ANKHD1: variants seen among roughly 807,000 people sequenced by gnomAD.
The protein encoded by ANKHD1 is ankyrin repeat and KH domain-containing protein 1.
A neutral mutation model predicts 230.5 loss-of-function variants in ANKHD1; 31 were observed. The observed-to-expected ratio is 0.13, with a 90% CI of 0.10 to 0.18. The LOEUF (loss-of-function observed/expected upper bound fraction) is 0.18. Among genes scored for constraint, ANKHD1 ranks in the 10% least tolerant of loss-of-function variants. ANKHD1 has a pLI of 1.00. For missense variants in ANKHD1, 2,256 were observed against 3,071.3 expected, an observed-to-expected ratio of 0.73 and a Z score of 6.27; for synonymous variants, 1,074 against 1,117.6, an observed-to-expected ratio of 0.96 and a Z score of 0.78.
intron 3 of ANKHD1, among the ~76,000 whole-genome samples, chr5:140,439,685 C>T (rs1773709369): frequency 6.7e-6 from 1 of 149,606 alleles, no homozygotes; most frequent in East Asian, 2.0e-4. Flanking sequence ...CAAAACAAAA[C>T]AAAATACAAA....
At chr5:140,442,033 CT>C (rs901282726) in intron 5 of ANKHD1, among the ~76,000 whole-genome samples, 374 of 86,902 alleles carry the variant, frequency 4.3e-3, no homozygotes, top group African/African-American at 0.012. Flanking sequence ...ATAAGATATT[CT>C]TTTTTTTTTT....
rs1427235665 is a variant in ANKHD1, at chr5:140,441,033, G to T, written c.804G>T (p.Gly268=). 1 of 1,611,218 alleles carries T rather than the reference G, an allele frequency of 6.2e-7. No individual in the cohort carries two copies. Among genetic ancestry groups the T allele is most frequent in the Non-Finnish European group, 8.5e-7 (1 of 1,179,050 alleles). ...TGCATGCTAATGTTGAAGATCGAGG[G>T]AATAAAGGAGACATAACTCCCCTGA... The part of the protein sequence containing the change: ...LAMHANVEDR[G]NKGDITPLMA... The change falls in exon 5 of 34, where the codon GGG becomes GGT. Residue 268 remains glycine (G), a synonymous_variant. Transcript: ENST00000360839.
At chr5:140,486,224 C>G (rs1751494925) in intron 13 of ANKHD1, 1 of 155,748 alleles carries the variant, frequency 6.4e-6, no homozygotes, top group South Asian at 2.0e-4. Flanking sequence ...GCCACCACGC[C>G]CAGCTAATTT....
intron 1 of ANKHD1, among the ~76,000 whole-genome samples, chr5:140,419,740 CTCTT>C (rs1243677436): frequency 7.9e-5 from 12 of 151,228 alleles, no homozygotes; most frequent in South Asian, 2.1e-4. Context: ...CTTTCTCTCT[CTCTT>C]TCTTTTCTTT....
intron 29 of ANKHD1, chr5:140,531,485 G>T: frequency 5.3e-6 from 1 of 189,028 alleles, no homozygotes; most frequent in Non-Finnish European, 1.1e-5. Flanking sequence ...GGAGGCTGAG[G>T]CACAGGAATC....
At chr5:140,520,974 G>C (rs898887374) in intron 24 of ANKHD1, among the ~76,000 whole-genome samples, 3 of 150,076 alleles carry the variant, frequency 2.0e-5, no homozygotes, top group Non-Finnish European at 3.0e-5. Context: ...GATGTGTGCT[G>C]TAATGGAAAA....
At chr5:140,535,146 G>A (rs1216162186) in intron 29 of ANKHD1, among the ~76,000 whole-genome samples, 5 of 152,088 alleles carry the variant, frequency 3.3e-5, no homozygotes, top group Admixed American at 2.0e-4. Flanking sequence ...GCTGTTTGGC[G>A]ATATTCTTCT....
Position 140,436,203 on chromosome 5 carries a change from C to T in ANKHD1, c.406C>T (p.Arg136Cys), listed in dbSNP as rs770581341. Residue 136 changes from arginine (R) to cysteine (C), a missense_variant, in exon 2 of 34, where the codon CGC (arginine) becomes TGC (cysteine). Physicochemically the swap from Arg to Cys is radical, Grantham distance 180. Coordinates refer to ENST00000360839, the MANE Select transcript of ANKHD1 (RefSeq NM_017747.3). ...LSSTAEGADL[R>C]TVDPETQARL... ...AAGTACTGCAGAAGGAGCAGACTTA[C>T]GCACTGTGGATCCAGAGACACAGGC... 7.5e-6 allele frequency: 12 copies of T among 1,607,254 alleles called. No individual in the cohort carries two copies. The highest frequency in any genetic ancestry group is 4.0e-5 in the African/African-American group (3 of 74,520).
At chr5:140,532,522 A>G (rs999459051) in intron 29 of ANKHD1, among the ~76,000 whole-genome samples, 3 of 151,984 alleles carry the variant, frequency 2.0e-5, no homozygotes, top group African/African-American at 7.2e-5. Flanking sequence ...TGCAGCCTCA[A>G]CCTCCTGGGC....
chr5:140,462,920 A>T (rs1775818929), intron 9 of ANKHD1, among the ~76,000 whole-genome samples: 1 of 151,988 alleles, frequency 6.6e-6, no homozygotes, highest in African/African-American at 2.4e-5. Context: ...ATTGTGGCTC[A>T]CTGCAACTTT....
At chr5:140,406,952 A>T (rs1252063039) in intron 1 of ANKHD1, among the ~76,000 whole-genome samples, 1 of 152,222 alleles carries the variant, frequency 6.6e-6, no homozygotes, top group African/African-American at 2.4e-5. Flanking sequence ...ATTGAATCCT[A>T]TTAAGAAATG....
chr5:140,539,124 A>G, intron 33 of ANKHD1, 41 bp downstream of exon 33: 1 of 1,562,444 alleles, frequency 6.4e-7, no homozygotes, highest in Non-Finnish European at 8.7e-7. Flanking sequence ...TAGATTTGTC[A>G]CATCATTCTT....
intron 15 of ANKHD1, among the ~76,000 whole-genome samples, chr5:140,497,877 CCACACACACACACACA>C (rs36224738): frequency 0.012 from 1,794 of 144,602 alleles, 32 homozygotes; most frequent in African/African-American, 0.042. Flanking sequence ...CCACACCACA[CCACACACACACACACA>C]CACACACACA....
chr5:140,464,830 A>G, intron 10 of ANKHD1, 54 bp downstream of exon 10: 1 of 1,492,948 alleles, frequency 6.7e-7, no homozygotes, highest in Non-Finnish European at 9.1e-7. Context: ...ATCCATTTAT[A>G]CTTAACATTT....
chr5:140,531,114 G>A (rs977683886), intron 29 of ANKHD1, among the ~76,000 whole-genome samples: 3 of 152,200 alleles, frequency 2.0e-5, no homozygotes, highest in African/African-American at 7.2e-5. Flanking sequence ...GCCCCAGGGT[G>A]AAAGAAGAGC....
At position 140,527,969 on chromosome 5, in the gene ANKHD1, T is replaced by C; in HGVS notation, c.5184T>C (p.His1728=). Residue 1728 remains histidine (H), a synonymous_variant, in exon 28 of 34, where the codon CAT becomes CAC. Transcript: ENST00000360839. The surrounding 1 kb of genome is among the most constrained non-coding windows in gnomAD (Gnocchi z 4.5). ...CAATACAGGATGTTACTGGTGCCCA[T>C]ATTGATGTGGATAAACAAAAAGATA... ...ITAIQDVTGA[H]IDVDKQKDKN... 1 of 1,613,916 alleles carries C rather than the reference T, an allele frequency of 6.2e-7. No individual in the cohort carries two copies. Among genetic ancestry groups the C allele is most frequent in the East Asian group, 2.2e-5 (1 of 44,844 alleles).
chr5:140,502,231 A>C (rs1752338750), intron 15 of ANKHD1, among the ~76,000 whole-genome samples: 1 of 152,154 alleles, frequency 6.6e-6, no homozygotes, highest in African/African-American at 2.4e-5. Flanking sequence ...GCACTTTTTA[A>C]ATCTCTTGCT....
At chr5:140,453,555 T>C (rs1378711632) in intron 7 of ANKHD1, among the ~76,000 whole-genome samples, 2 of 152,192 alleles carry the variant, frequency 1.3e-5, no homozygotes, top group Non-Finnish European at 2.9e-5. Context: ...TGGGGCCCAA[T>C]ATTCAACATT....
chr5:140,504,932 C>T lies in ANKHD1; in HGVS notation c.3116C>T (p.Pro1039Leu). The change falls in exon 16 of 34, where the codon CCT (proline) becomes CTT (leucine). Residue 1039 changes from proline to leucine, a missense_variant. Around this residue, in one of 13 missense-constraint regions of ANKHD1, gnomAD observed 358 missense variants for 397.7 expected, o/e 0.90. Coordinates refer to ENST00000360839, the MANE Select transcript of ANKHD1 (RefSeq NM_017747.3). ...AGCAATGTGGCTTCCCAATCGATGC[C>T]TCCTGTGTATCCTTCAGTTGACATT... Reference protein sequence around the residue: ...TTSNVASQSMPPVYPSVDIDA... With the variant: ...TTSNVASQSMLPVYPSVDIDA... 1 of 1,614,148 alleles carries T rather than the reference C, an allele frequency of 6.2e-7. No individual in the cohort carries two copies. Among genetic ancestry groups the T allele is most frequent in the Non-Finnish European group, 8.5e-7 (1 of 1,180,030 alleles).
Sources: gnomAD v4.1 joint callset for allele counts (sites outside exome capture counted in the v4.1 genomes callset) on GRCh38, gnomAD v4.1.1 for gene constraint, gnomAD v4.1.1 regional missense constraint, Gnocchi (gnomAD v3.1) non-coding constraint, MANE v1.5 for transcripts, NCBI Gene and HGNC (gene_info 2026-07-23, HGNC 2026-07-21) for gene names.